Variants in NDUFAF6 observed in about 807,000 individuals in gnomAD.
NDUFAF6 encodes the protein NADH dehydrogenase (ubiquinone) complex I, assembly factor 6.
A neutral mutation model predicts 40.8 loss-of-function variants in NDUFAF6; 45 were observed. The observed-to-expected ratio is 1.10, with a 90% CI of 0.87 to 1.42. The LOEUF (loss-of-function observed/expected upper bound fraction) is 1.42. NDUFAF6 is among the 40% of genes most tolerant of loss of function. NDUFAF6 has a pLI of 0.00. For missense variants in NDUFAF6, 435 were observed against 418.5 expected (o/e 1.04, Z -0.34); for synonymous variants, 185 against 155.9 (o/e 1.19, Z -1.39).
At chr8:95,008,694 A>C (rs576920937) in intron 2 of NDUFAF6, among the ~76,000 whole-genome samples, 1 of 152,038 alleles carries the variant, frequency 6.6e-6, no homozygotes, top group East Asian at 1.9e-4. Flanking sequence ...TTTTTAGTAG[A>C]GACAGGGTTT....
At chr8:95,069,079 T>TC (rs1832768535) in intron 9 of NDUFAF6, 1 of 151,908 alleles carries the variant, frequency 6.6e-6, no homozygotes, top group African/African-American at 2.4e-5. Context: ...AGTCCTCCTT[T>TC]CTCTTCATTG....
chr8:95,090,575 T>C (rs1247946040), intron 2 of NDUFAF6, among the ~76,000 whole-genome samples: 3 of 152,200 alleles, frequency 2.0e-5, no homozygotes, highest in African/African-American at 7.2e-5. Flanking sequence ...GCCCATTTCC[T>C]GTCTTCTCCC....
intron 9 of NDUFAF6, chr8:95,069,136 A>G (rs1832770541): frequency 6.6e-6 from 1 of 151,836 alleles, no homozygotes; most frequent in Non-Finnish European, 1.5e-5. Context: ...AGATGACTCA[A>G]CACTCACTTA....
intron 1 of NDUFAF6, chr8:94,930,162 G>C (rs1219298266): frequency 2.3e-5 from 6 of 263,270 alleles, no homozygotes; most frequent in Non-Finnish European, 4.3e-5. Context: ...TCTCGTACTT[G>C]GGAAGAAATG....
chr8:94,964,974 C>T (rs1823894022), intron 1 of NDUFAF6, among the ~76,000 whole-genome samples: 1 of 152,174 alleles, frequency 6.6e-6, no homozygotes, highest in Admixed American at 6.5e-5. Flanking sequence ...AGCATCTCTT[C>T]TTGGTATGAG....
intron 2 of NDUFAF6, among the ~76,000 whole-genome samples, chr8:95,013,913 C>T (rs991994492): frequency 6.6e-6 from 1 of 151,984 alleles, no homozygotes; most frequent in African/African-American, 2.4e-5. Context: ...TGACTAGTGT[C>T]CTTATACAAT....
In NDUFAF6 at chr8:94,996,371, A is replaced by G. The variant is rs1231750597; in HGVS notation, c.-84+15398A>G. 2.0e-5 allele frequency among the ~76,000 whole-genome samples: 3 copies of G among 152,204 alleles called. No homozygotes were observed. The East Asian group carries it at 5.8e-4, about 29-fold the overall frequency. On this transcript the variant is annotated intron_variant, in intron 2 of 9. Coordinates refer to the NDUFAF6 transcript ENST00000396111. ...ACCCTCAAAATTAATCACGTCCTCC[A>G]TAACTTATACCTGAGTCTCTTATTG...
intron 2 of NDUFAF6, among the ~76,000 whole-genome samples, chr8:94,946,358 G>A (rs1586757102): frequency 6.6e-6 from 1 of 151,938 alleles, no homozygotes; most frequent in Non-Finnish European, 1.5e-5. Context: ...AATTTATTTT[G>A]TCACTTTTAA....
chr8:95,051,547 G>A (rs902346637), intron 7 of NDUFAF6, among the ~76,000 whole-genome samples: 1 of 152,162 alleles, frequency 6.6e-6, no homozygotes, highest in Admixed American at 6.5e-5. Flanking sequence ...GGAGACAGGA[G>A]TGGGCTTGGC....
upstream of NDUFAF6, among the ~76,000 whole-genome samples, chr8:95,020,518 C>G (rs1340899076): frequency 6.6e-6 from 1 of 152,186 alleles, no homozygotes; most frequent in Non-Finnish European, 1.5e-5. Flanking sequence ...ACATGCCTCT[C>G]TGTGTGAAGA....
At chr8:94,901,355 A>G (rs1818003457) in intron 1 of NDUFAF6, among the ~76,000 whole-genome samples, 1 of 152,100 alleles carries the variant, frequency 6.6e-6, no homozygotes, top group South Asian at 2.1e-4. Flanking sequence ...AATGCAGGGA[A>G]GGGGTTAGTT....
chr8:95,027,844 C>G (rs1828355696), intron 1 of NDUFAF6, among the ~76,000 whole-genome samples: 1 of 152,268 alleles, frequency 6.6e-6, no homozygotes, highest in East Asian at 1.9e-4. Context: ...TATGCAAGGC[C>G]TCTAAATAGC....
At chr8:95,020,323 T>C (rs1245061079), upstream of NDUFAF6, among the ~76,000 whole-genome samples, 1 of 152,246 alleles carries the variant, frequency 6.6e-6, no homozygotes, top group Non-Finnish European at 1.5e-5. Context: ...GCTTGACTAT[T>C]AAACGAATAG....
At chr8:94,958,880 A>G (rs1354226945) in intron 1 of NDUFAF6, among the ~76,000 whole-genome samples, 1 of 152,218 alleles carries the variant, frequency 6.6e-6, no homozygotes, top group Non-Finnish European at 1.5e-5. Flanking sequence ...CACACAATTC[A>G]GCCCATAACA....
intron 8 of NDUFAF6, among the ~76,000 whole-genome samples, chr8:95,054,559 C>T (rs369919703): frequency 3.9e-5 from 6 of 151,978 alleles, no homozygotes; most frequent in Non-Finnish European, 5.9e-5. Flanking sequence ...CTCAGCTTCC[C>T]GAGTAGCTGG....
intron 2 of NDUFAF6, among the ~76,000 whole-genome samples, chr8:94,951,836 A>C (rs1414855332): frequency 6.6e-6 from 1 of 152,246 alleles, no homozygotes; most frequent in African/African-American, 2.4e-5. Context: ...ACATAAATGC[A>C]TGCAGTGAAA....
chr8:95,043,096 T>G (rs1405074716), intron 4 of NDUFAF6, among the ~76,000 whole-genome samples: 2 of 151,170 alleles, frequency 1.3e-5, no homozygotes, highest in African/African-American at 4.9e-5. Flanking sequence ...CTTTTTTTTT[T>G]TTTTTTTGAG....
intron 2 of NDUFAF6, among the ~76,000 whole-genome samples, chr8:95,088,709 GTGTGTGTGTGTGTGTGTGTTTTCTTTT>G (rs1809137270): frequency 2.0e-5 from 2 of 100,884 alleles, no homozygotes; most frequent in African/African-American, 5.2e-5. Flanking sequence ...GTGTGTGTGT[GTGTGTGTGTGTGTGTGTGTTTTCTTTT>G]TGTTTTCTTG....
chr8:95,003,037 A>G (rs183531804), intron 2 of NDUFAF6, among the ~76,000 whole-genome samples: 56 of 152,340 alleles, frequency 3.7e-4, no homozygotes, highest in African/African-American at 1.3e-3. Context: ...TTCACCTTTC[A>G]TGTATATGAC....
Sources: gnomAD v4.1 joint callset for allele counts (sites outside exome capture counted in the v4.1 genomes callset) on GRCh38, gnomAD v4.1.1 for gene constraint, MANE v1.5 for transcripts, NCBI Gene and HGNC (gene_info 2026-07-23, HGNC 2026-07-21) for gene names.